The following MEGF6 variants were observed in gnomAD, a reference collection of about 807,000 sequenced individuals.
MEGF6 encodes the protein multiple epidermal growth factor-like domains protein 6.
MEGF6 carries 184 observed loss-of-function variants against 207.1 expected under a neutral mutation model. That is an observed-to-expected ratio of 0.89 (90% confidence interval 0.79 to 1.00). The LOEUF (loss-of-function observed/expected upper bound fraction) is 1.00, where lower values mean the gene tolerates loss of function less well. Among genes scored for constraint, MEGF6 ranks in the 50% least tolerant of loss-of-function variants. MEGF6 has a pLI of 0.00. For synonymous variants in MEGF6, 1,038 were observed against 910.0 expected (o/e 1.14, Z -2.53); for missense variants, 2,282 against 2,202.9 (o/e 1.04, Z -0.72).
chr1:3,602,837 CACAGCGTGGAT>C, intron 1 of MEGF6, among the ~76,000 whole-genome samples: 1 of 152,186 alleles, frequency 6.6e-6, no homozygotes, highest in African/African-American at 2.4e-5. Context: ...ACGCATGGCC[CACAGCGTGGAT>C]CCTAGTGCCC....
intron 26 of MEGF6, 165 bp from the exon 27 acceptor site, chr1:3,497,526 G>A (rs772934154): frequency 1.6e-5 from 15 of 958,328 alleles, no homozygotes; most frequent in Admixed American, 9.8e-5. Flanking sequence ...CACCCCGGAG[G>A]GCAGAGGCAG....
chr1:3,531,332 G>A lies in MEGF6; in HGVS notation c.482-7086C>T, dbSNP rs1001813083. On this transcript the variant is annotated intron_variant, in intron 4 of 36. Transcript: ENST00000356575. ...GGCCGGGCGACGGGGCAGGCGGCTC[G>A]GGCTGGTTCTGGGTTCCGGGCGGGC... The A allele has an allele frequency of 2.6e-4, 312 of 1,223,466 alleles. No homozygotes were observed. In the Middle Eastern group the frequency reaches 3.6e-3, roughly 14 times the overall value. The allele number at this position is 1,223,466 out of a possible 1,614,324, so 75.8% of individuals were successfully genotyped here.
chr1:3,496,510 T>G lies in MEGF6; in HGVS notation c.3742+145A>C, dbSNP rs530538023. ...TGCAGGTCCTTTCTGCCCCTCTGGCTTAGCCCCACTTGGGGCCAGGCCCAG... is the reference window on the plus strand; with the variant it reads ...TGCAGGTCCTTTCTGCCCCTCTGGCGTAGCCCCACTTGGGGCCAGGCCCAG... On this transcript the variant is annotated intron_variant, in intron 29 of 36. Transcript: ENST00000356575. The G allele has an allele frequency of 2.5e-6, 3 of 1,220,516 alleles. No homozygotes were observed. The South Asian group carries it at 4.2e-5, about 17-fold the overall frequency. The allele number at this position is 1,220,516 out of a possible 1,614,324, so 75.6% of individuals were successfully genotyped here. A position where few individuals can be genotyped will look rare whatever the true frequency, so the allele number is the denominator to read the frequency against.
rs1005271841 is a variant in MEGF6, at chr1:3,611,239, C to T, written c.30G>A (p.Ala10=). The change falls in exon 1 of 37, where the codon GCG becomes GCA. Residue 10 remains alanine (A), a synonymous_variant. Coordinates refer to ENST00000356575, the MANE Select transcript of MEGF6 (RefSeq NM_001409.4). MSFLEEARA[A]GRAVVLALVL... ...CCAACGCCAGGACCACCGCGCGCCC[C>T]GCTGCCCTCGCCTCTTCAAGGAACG... 6.5e-7 allele frequency: 1 copy of T among 1,530,244 alleles called. No individual in the cohort carries two copies. The highest frequency in any genetic ancestry group is 8.7e-7 in the Non-Finnish European group (1 of 1,149,838). The allele number at this position is 1,530,244 out of a possible 1,614,324, so 94.8% of individuals were successfully genotyped here.
At chr1:3,523,317 A>C (rs1410034837) in intron 5 of MEGF6, among the ~76,000 whole-genome samples, 1 of 152,150 alleles carries the variant, frequency 6.6e-6, no homozygotes, top group East Asian at 1.9e-4. Context: ...GGGGTGCCGA[A>C]GGGTGAGGGT....
intron 36 of MEGF6, 120 bp from the exon 37 acceptor site, chr1:3,490,709 T>TGGGTGGGGCCCAC (rs1553188081): frequency 1.3e-5 from 13 of 1,025,778 alleles, no homozygotes; most frequent in African/African-American, 5.0e-5. Context: ...GCCCAGCAGG[T>TGGGTGGGGCCCAC]GGGTGGGGCC....
intron 2 of MEGF6, among the ~76,000 whole-genome samples, chr1:3,601,184 A>C (rs75465985): frequency 0.03 from 4,523 of 152,250 alleles, 226 homozygotes; most frequent in African/African-American, 0.1. Flanking sequence ...TAGCGAGGGG[A>C]CTTCCTCAGC....
chr1:3,620,512 A>G, the MEGF6 span, among the ~76,000 whole-genome samples: 2 of 152,180 alleles, frequency 1.3e-5, no homozygotes, highest in African/African-American at 4.8e-5. Context: ...ATTTCAGAGG[A>G]TGTATGGAAA....
intron 3 of MEGF6, among the ~76,000 whole-genome samples, chr1:3,580,878 G>A (rs1057040689): frequency 6.6e-6 from 1 of 152,108 alleles, no homozygotes; most frequent in Non-Finnish European, 1.5e-5. Context: ...TGTGGGCTCA[G>A]TGAGTTTGTG....
intron 4 of MEGF6, among the ~76,000 whole-genome samples, chr1:3,548,558 C>G (rs561885930): frequency 6.6e-6 from 1 of 152,238 alleles, no homozygotes. Context: ...TGCCTGGCCC[C>G]GACAGACTGC....
At chr1:3,575,940 C>T (rs61445693) in intron 4 of MEGF6, among the ~76,000 whole-genome samples, 4,851 of 152,312 alleles carry the variant, frequency 0.032, 285 homozygotes, top group African/African-American at 0.11. Context: ...AGGCCCACTC[C>T]GGGCCTCACC....
intron 4 of MEGF6, among the ~76,000 whole-genome samples, chr1:3,547,444 C>G (rs1288078883): frequency 6.6e-6 from 1 of 152,218 alleles, no homozygotes; most frequent in Non-Finnish European, 1.5e-5. Flanking sequence ...CAGCCACACC[C>G]TTTTTGTGAG....
chr1:3,506,326 G>C, intron 14 of MEGF6, 90 bp from the exon 15 acceptor site: 1 of 1,473,768 alleles, frequency 6.8e-7, no homozygotes, highest in Non-Finnish European at 9.1e-7. Flanking sequence ...GGGGGCCCAG[G>C]GCCCAGCACA....
intron 2 of MEGF6, among the ~76,000 whole-genome samples, chr1:3,597,939 A>G (rs1644094464): frequency 6.6e-6 from 1 of 152,200 alleles, no homozygotes; most frequent in South Asian, 2.1e-4. Flanking sequence ...TTGTGTTTGC[A>G]AGGACAACTG....
At chr1:3,530,387 C>T (rs189257939) in intron 4 of MEGF6, among the ~76,000 whole-genome samples, 442 of 152,306 alleles carry the variant, frequency 2.9e-3, no homozygotes, top group African/African-American at 0.01. Context: ...ATGCGGCTGA[C>T]GACTCACTGG....
the MEGF6 span, chr1:3,624,321 A>G: frequency 4.6e-5 from 7 of 152,198 alleles, no homozygotes; most frequent in African/African-American, 1.7e-4. Flanking sequence ...TTCCACCTCG[A>G]ACTGCGAGCG....
intron 23 of MEGF6, 70 bp from the exon 24 acceptor site, chr1:3,499,336 C>T (rs1033857437): frequency 1.3e-4 from 198 of 1,522,028 alleles, no homozygotes; most frequent in Admixed American, 1.6e-4. Flanking sequence ...AGATCACAGC[C>T]AGCTGGGCAG....
chr1:3,575,971 G>A (rs1643629854), intron 4 of MEGF6, among the ~76,000 whole-genome samples: 1 of 147,034 alleles, frequency 6.8e-6, no homozygotes. Flanking sequence ...CACGCAACCT[G>A]CACAAAACAT....
chr1:3,537,374 C>T (rs111442261), intron 4 of MEGF6, among the ~76,000 whole-genome samples: 79 of 152,336 alleles, frequency 5.2e-4, no homozygotes, highest in African/African-American at 1.8e-3. Context: ...GAGAAGCTAC[C>T]GGGAGCCACG....
Sources: allele counts gnomAD v4.1 joint callset (sites outside exome capture counted in the v4.1 genomes callset), GRCh38; gene constraint gnomAD v4.1.1; transcripts MANE v1.5; gene names NCBI Gene and HGNC (gene_info 2026-07-23, HGNC 2026-07-21).